NSMAF: variants seen among roughly 807,000 people sequenced by gnomAD.
NSMAF encodes the protein neutral sphingomyelinase activation associated factor.
Under a neutral mutation model 134.9 loss-of-function variants are expected in NSMAF, and 90 were observed. The ratio of observed to expected loss-of-function variants is 0.67; its 90% CI spans 0.56 to 0.79. The LOEUF is 0.79. Ranked by LOEUF, NSMAF falls within the 30% of genes least tolerant of loss-of-function variation. The pLI, the probability that NSMAF is intolerant of heterozygous loss-of-function variation, is 0.00. For synonymous variants in NSMAF, 358 were observed against 389.6 expected (o/e 0.92, Z 0.96); for missense variants, 1,010 against 1,119.0 (o/e 0.90, Z 1.39).
At chr8:58,614,577 C>T (rs114232060) in intron 9 of NSMAF, among the ~76,000 whole-genome samples, 2,423 of 152,298 alleles carry the variant, frequency 0.016, 72 homozygotes, top group African/African-American at 0.056. Flanking sequence ...GATTATCGGT[C>T]GTTGTCCTGC....
At chr8:58,646,012 G>T (rs955949736) in intron 1 of NSMAF, among the ~76,000 whole-genome samples, 4 of 152,158 alleles carry the variant, frequency 2.6e-5, no homozygotes, top group Non-Finnish European at 5.9e-5. Context: ...CTGCACTCCA[G>T]CCTAGGCAAC....
chr8:58,600,231 GGCGGGAGTGGGC>G, intron 16 of NSMAF: 1 of 564,472 alleles, frequency 1.8e-6, no homozygotes, highest in Non-Finnish European at 3.1e-6. Context: ...AGGGTCACAT[GGCGGGAGTGGGC>G]ATAGAGTCCG....
chr8:58,587,487 T>C, intron 27 of NSMAF, 131 bp downstream of exon 27: 1 of 649,474 alleles, frequency 1.5e-6, no homozygotes, highest in Non-Finnish European at 2.7e-6. Context: ...AGAAAAGAAC[T>C]GAGATTTAGC....
chr8:58,644,104 CA>C (rs1278632917), intron 1 of NSMAF, among the ~76,000 whole-genome samples: 1 of 152,166 alleles, frequency 6.6e-6, no homozygotes, highest in Non-Finnish European at 1.5e-5. Context: ...CAATGAGTTA[CA>C]GGCAAAAGCT....
rs1192073349 is a variant in NSMAF at position 58,659,558 on chromosome 8, C to T, written c.59+15G>A. The T allele has an allele frequency of 1.3e-6, 2 of 1,526,092 alleles. No homozygotes were observed. The highest frequency in any genetic ancestry group is 1.8e-6 in the Non-Finnish European group (2 of 1,137,658). 94.5% of individuals were successfully genotyped at this position (1,526,092 alleles called of 1,614,324 possible). Reference sequence around the variant, plus strand: ...CTAGGCCCCCGGCTGGGCCCTTCTTCAGCTGGGCGCGCACCTCTCCTTGGA... The same window carrying T: ...CTAGGCCCCCGGCTGGGCCCTTCTTTAGCTGGGCGCGCACCTCTCCTTGGA... On this transcript the variant is annotated intron_variant, in intron 1 of 30. Coordinates refer to ENST00000038176, the MANE Select transcript of NSMAF (RefSeq NM_003580.4).
intron 11 of NSMAF, 135 bp from the exon 12 acceptor site, chr8:58,606,170 T>C (rs1041063882): frequency 5.4e-6 from 4 of 741,026 alleles, no homozygotes; most frequent in East Asian, 3.4e-5. Context: ...CTATTTTCAA[T>C]CTATAAATTT....
At position 58,587,644 on chromosome 8, in the gene NSMAF, G is replaced by T; in HGVS notation, c.2269C>A (p.Leu757Met). The T allele has an allele frequency of 6.2e-7, 1 of 1,614,178 alleles. No homozygotes were observed. The highest frequency in any genetic ancestry group is 1.1e-5 in the South Asian group (1 of 91,086). Residue 757 changes from leucine to methionine, a missense_variant, in exon 27 of 31, where the codon CTG (leucine) becomes ATG (methionine). Physicochemically the swap from Leu to Met is conservative, Grantham distance 15 (BLOSUM62 2). Coordinates refer to ENST00000038176, the MANE Select transcript of NSMAF (RefSeq NM_003580.4). ...CTGACATCATGTTCCAGCTCGGCCAGCAAGTCAAAGTGGTGTCTTTTGGTG... is the reference window on the plus strand; with the variant it reads ...CTGACATCATGTTCCAGCTCGGCCATCAAGTCAAAGTGGTGTCTTTTGGTG... ...PGTKRHHFDL[L>M]AELEHDVSVD...
At position 58,586,517 on chromosome 8, in the gene NSMAF, G is replaced by A. The variant is rs375475310; in HGVS notation, c.2387C>T (p.Thr796Ile). 1.2e-6 allele frequency: 2 copies of A among 1,613,468 alleles called. No homozygotes were observed. The highest frequency in any genetic ancestry group is 1.7e-6 in the Non-Finnish European group (2 of 1,179,966). The change falls in exon 28 of 31, where the codon ACC becomes ATC. Residue 796 changes from threonine (T) to isoleucine (I), a missense_variant. By Grantham distance (89) the Thr-to-Ile change is moderately conservative. Transcript: ENST00000038176. ...ATGGCATGGAATCTGGTGCATTAAGGTGGCCGTTGTGAGGTCCCAAATATT... is the reference window on the plus strand; with the variant it reads ...ATGGCATGGAATCTGGTGCATTAAGATGGCCGTTGTGAGGTCCCAAATATT... ...TVNIWDLTTA[T>I]LMHQIPCHSG... is the part of the protein sequence containing the mutation.
chr8:58,659,253 CT>C, intron 1 of NSMAF: 1 of 1,507,768 alleles, frequency 6.6e-7, no homozygotes, highest in Non-Finnish European at 8.8e-7. Context: ...CCCGCGCGGC[CT>C]TCCGGGTGAG....
chr8:58,603,129 A>T, intron 13 of NSMAF, 81 bp downstream of exon 13: 1 of 1,327,936 alleles, frequency 7.5e-7, no homozygotes, highest in Non-Finnish European at 1.1e-6. Flanking sequence ...ATTATAAAAT[A>T]GAATTTATTC....
At chr8:58,623,337 T>A in intron 8 of NSMAF, 40 bp downstream of exon 8, 1 of 1,607,324 alleles carries the variant, frequency 6.2e-7, no homozygotes, top group Non-Finnish European at 8.5e-7. Context: ...CAATACAAGT[T>A]AATTGACAAT....
chr8:58,600,620 T>TAAAA (rs1344714257), intron 16 of NSMAF, among the ~76,000 whole-genome samples: 1 of 28,106 alleles, frequency 3.6e-5, no homozygotes, highest in Non-Finnish European at 5.8e-5. Flanking sequence ...AGACTCTGTC[T>TAAAA]CAAAAAAAAA....
intron 2 of NSMAF, among the ~76,000 whole-genome samples, chr8:58,636,290 T>C (rs1439474488): frequency 6.6e-6 from 1 of 152,220 alleles, no homozygotes; most frequent in African/African-American, 2.4e-5. Flanking sequence ...ATTGACATCA[T>C]ATACTTTATC....
intron 1 of NSMAF, among the ~76,000 whole-genome samples, chr8:58,647,107 T>G (rs1343077185): frequency 1.3e-5 from 2 of 152,250 alleles, no homozygotes; most frequent in African/African-American, 4.8e-5. Flanking sequence ...ATGCTTTCTC[T>G]AACAGGCTTC....
At chr8:58,596,027 TG>T (rs546728225) in intron 21 of NSMAF, 156 of 193,378 alleles carry the variant, frequency 8.1e-4, no homozygotes, top group South Asian at 1.2e-3. Flanking sequence ...TGTTCTGGTG[TG>T]GGGTGGGGAA....
At chr8:58,592,902 C>CAAAA (rs1194341835) in intron 23 of NSMAF, among the ~76,000 whole-genome samples, 1 of 114,380 alleles carries the variant, frequency 8.7e-6, no homozygotes, top group African/African-American at 4.9e-5. Flanking sequence ...AAAACAAAAA[C>CAAAA]AAAAACAACA....
chr8:58,649,929 T>G (rs536288071), intron 1 of NSMAF, among the ~76,000 whole-genome samples: 1 of 152,220 alleles, frequency 6.6e-6, no homozygotes, highest in Admixed American at 6.5e-5. Context: ...CTTCCTCTTC[T>G]AGTGGTTTAT....
At chr8:58,617,376 C>G (rs1166802716) in intron 9 of NSMAF, among the ~76,000 whole-genome samples, 1 of 152,066 alleles carries the variant, frequency 6.6e-6, no homozygotes, top group Admixed American at 6.5e-5. Flanking sequence ...AACAGGCAAC[C>G]TACAGAATGG....
intron 9 of NSMAF, among the ~76,000 whole-genome samples, chr8:58,618,932 T>C (rs1053945410): frequency 1.2e-4 from 19 of 152,270 alleles, no homozygotes; most frequent in Admixed American, 3.3e-4. Flanking sequence ...CCCCAAATTC[T>C]TTAGCCTAAC....
Sources: gnomAD v4.1 joint callset for allele counts (sites outside exome capture counted in the v4.1 genomes callset) on GRCh38, gnomAD v4.1.1 for gene constraint, MANE v1.5 for transcripts, NCBI Gene and HGNC (gene_info 2026-07-23, HGNC 2026-07-21) for gene names.